PCDH9: variants seen among roughly 807,000 people sequenced by gnomAD.
PCDH9 encodes protocadherin 9.
PCDH9 carries 24 observed loss-of-function variants against 70.6 expected under a neutral mutation model. That is an observed-to-expected ratio of 0.34 (90% CI 0.25 to 0.48). PCDH9 has a LOEUF of 0.48. Among genes scored for constraint, PCDH9 ranks in the 20% least tolerant of loss-of-function variants. The probability of loss-of-function intolerance (pLI) is 0.99; values close to 1 mark genes in which losing one functional copy is unlikely to be tolerated. For synonymous variants in PCDH9, 562 were observed against 558.5 expected (o/e 1.01, Z -0.09); for missense variants, 1,281 against 1,503.6 (o/e 0.85, Z 2.45).
rs528735972 is a variant in PCDH9 at position 67,030,021 on chromosome 13, A to G, written c.3037-126416T>C. ...CATTATCAGAAAGAGACTACATTTC[A>G]TCTTGCAGGAGTAGATGAAGATATG... On this transcript the variant is annotated intron_variant, in intron 2 of 4. Transcript: ENST00000377865. 1.6e-4 allele frequency among the ~76,000 whole-genome samples: 25 copies of G among 152,272 alleles called. No homozygotes were observed. The East Asian group carries it at 4.4e-3, about 27-fold the overall frequency.
intron 2 of PCDH9, among the ~76,000 whole-genome samples, chr13:66,909,493 G>A (rs555313840): frequency 1.3e-5 from 2 of 152,072 alleles, no homozygotes; most frequent in Non-Finnish European, 2.9e-5. Flanking sequence ...TTAGAGGCCA[G>A]GCACAGTGGC....
intron 3 of PCDH9, among the ~76,000 whole-genome samples, chr13:66,795,236 T>C (rs2080223593): frequency 1.3e-5 from 2 of 152,288 alleles, no homozygotes; most frequent in East Asian, 1.9e-4. Context: ...TCAGCATCCC[T>C]AATCCAAAAA....
chr13:67,126,033 C>A (rs762280413), intron 2 of PCDH9, among the ~76,000 whole-genome samples: 2 of 152,018 alleles, frequency 1.3e-5, no homozygotes, highest in Non-Finnish European at 2.9e-5. Context: ...TATCAGTAAC[C>A]CCATTTTCCT....
chr13:66,943,615 C>T (rs1437437596), intron 2 of PCDH9, among the ~76,000 whole-genome samples: 4 of 151,936 alleles, frequency 2.6e-5, no homozygotes, highest in South Asian at 2.1e-4. Flanking sequence ...TGACTATAGA[C>T]GTGTCAAGTT....
chr13:66,397,919 C>T (rs1005050363), intron 4 of PCDH9, among the ~76,000 whole-genome samples: 16 of 151,602 alleles, frequency 1.1e-4, no homozygotes, highest in African/African-American at 3.6e-4. Context: ...GTGAAGTAAT[C>T]AGTATTTTTG....
rs548508012 is a variant in PCDH9, at chr13:66,405,082, A to G, written c.3341-100054T>C. On this transcript the variant is annotated intron_variant, in intron 4 of 4. Transcript: ENST00000377865. ...ATTTAAGCAAATTTACTGATCCTAG[A>G]TGGATAAATCTCAGTAAAATATGAG... 1.6e-3 allele frequency among the ~76,000 whole-genome samples: 247 copies of G among 152,282 alleles called. 1 individual carries two copies. The highest frequency in any genetic ancestry group is 1.5e-3 in the Non-Finnish European group (99 of 68,006).
intron 3 of PCDH9, among the ~76,000 whole-genome samples, chr13:66,638,105 C>A (rs1422856686): frequency 6.6e-6 from 1 of 151,978 alleles, no homozygotes; most frequent in Non-Finnish European, 1.5e-5. Context: ...TATTGAGTAC[C>A]ATTATATTCT....
intron 3 of PCDH9, among the ~76,000 whole-genome samples, chr13:66,844,289 G>GA (rs1201340319): frequency 2.6e-5 from 4 of 152,034 alleles, no homozygotes; most frequent in African/African-American, 9.7e-5. Flanking sequence ...CAAACGGCAT[G>GA]AAAGTCCCTA....
At chr13:67,116,078 T>C (rs1233660754) in intron 2 of PCDH9, among the ~76,000 whole-genome samples, 10 of 152,176 alleles carry the variant, frequency 6.6e-5, no homozygotes, top group Admixed American at 6.5e-4. Flanking sequence ...AACTTCCTTA[T>C]ATTTTAAAAT....
At chr13:66,737,846 C>T (rs994155810) in intron 3 of PCDH9, among the ~76,000 whole-genome samples, 7 of 152,140 alleles carry the variant, frequency 4.6e-5, no homozygotes, top group South Asian at 2.1e-4. Context: ...GAGGGTCCTA[C>T]GCCCATGGAA....
intron 4 of PCDH9, among the ~76,000 whole-genome samples, chr13:66,376,948 C>G (rs1017273929): frequency 3.3e-5 from 5 of 152,104 alleles, no homozygotes; most frequent in African/African-American, 1.2e-4. Context: ...AGTAATATGG[C>G]CTTCTGTTAT....
chr13:66,465,758 T>C (rs1288631720), intron 4 of PCDH9, among the ~76,000 whole-genome samples: 1 of 151,974 alleles, frequency 6.6e-6, no homozygotes, highest in Middle Eastern at 3.2e-3. Context: ...AAATTAAATG[T>C]CTACATTTAT....
intron 3 of PCDH9, among the ~76,000 whole-genome samples, chr13:66,779,873 ATG>A (rs35090227): frequency 1.6e-4 from 19 of 115,872 alleles, no homozygotes; most frequent in African/African-American, 5.4e-4. Context: ...ATATACATAT[ATG>A]TGTGTGTGTG....
chr13:66,830,984 G>C (rs1455337232), intron 3 of PCDH9, among the ~76,000 whole-genome samples: 1 of 152,156 alleles, frequency 6.6e-6, no homozygotes, highest in African/African-American at 2.4e-5. Flanking sequence ...AATGTGAACA[G>C]CTGCAGTTAT....
intron 4 of PCDH9, among the ~76,000 whole-genome samples, chr13:66,383,351 AG>A (rs1407638626): frequency 6.6e-6 from 1 of 152,218 alleles, no homozygotes; most frequent in Non-Finnish European, 1.5e-5. Context: ...CTTTCTTCTA[AG>A]AAAAATTGAG....
At chr13:66,853,201 C>CAATAATAAT (rs71207610) in intron 3 of PCDH9, among the ~76,000 whole-genome samples, 3,520 of 145,808 alleles carry the variant, frequency 0.024, 44 homozygotes, top group African/African-American at 0.035. Context: ...TGAATAGTAG[C>CAATAATAAT]AATAATAATA....
At chr13:66,395,207 T>G (rs924605860) in intron 4 of PCDH9, among the ~76,000 whole-genome samples, 2 of 152,236 alleles carry the variant, frequency 1.3e-5, no homozygotes, top group Non-Finnish European at 2.9e-5. Flanking sequence ...TCCTCATTTT[T>G]GCATTCAATA....
At chr13:66,525,591 T>C (rs1016105687) in intron 4 of PCDH9, among the ~76,000 whole-genome samples, 2 of 152,100 alleles carry the variant, frequency 1.3e-5, no homozygotes, top group Non-Finnish European at 2.9e-5. Flanking sequence ...CGAAAGTCCT[T>C]TATTTTTAGC....
intron 3 of PCDH9, among the ~76,000 whole-genome samples, chr13:66,899,643 A>G (rs1387934493): frequency 1.3e-5 from 2 of 152,008 alleles, no homozygotes; most frequent in African/African-American, 2.4e-5. Context: ...CTTGCATTAT[A>G]TACTGTTTCA....
Sources: gnomAD v4.1 joint callset for allele counts (sites outside exome capture counted in the v4.1 genomes callset) on GRCh38, gnomAD v4.1.1 for gene constraint, MANE v1.5 for transcripts, NCBI Gene and HGNC (gene_info 2026-07-23, HGNC 2026-07-21) for gene names.